GALNT17: variants seen among roughly 807,000 people sequenced by gnomAD.
GALNT17 encodes polypeptide N-acetylgalactosaminyltransferase 17, also known as UDP-GalNAc:polypeptide N-acetylgalactosaminyltransferase-like 3.
A neutral mutation model predicts 63.7 loss-of-function variants in GALNT17; 29 were observed. That is an observed-to-expected ratio of 0.46 (90% CI 0.34 to 0.62). The LOEUF (loss-of-function observed/expected upper bound fraction) is 0.62, where lower values mean the gene tolerates loss of function less well. GALNT17 is among the 20% of genes least tolerant of loss of function. The probability of loss-of-function intolerance (pLI) is 0.01; values close to 1 mark genes in which losing one functional copy is unlikely to be tolerated. For missense variants in GALNT17, 603 were observed against 799.6 expected (o/e 0.75, Z 2.97); for synonymous variants, 305 against 318.3 (o/e 0.96, Z 0.45).
At chr7:71,320,423 A>AT (rs1208348491) in intron 1 of GALNT17, among the ~76,000 whole-genome samples, 100 of 80,806 alleles carry the variant, frequency 1.2e-3, no homozygotes, top group Non-Finnish European at 2.3e-3. Context: ...AAAAAAAAAA[A>AT]TTTTTTTTTT....
intron 5 of GALNT17, among the ~76,000 whole-genome samples, chr7:71,567,300 G>A (rs930356203): frequency 3.1e-4 from 47 of 152,126 alleles, no homozygotes; most frequent in African/African-American, 9.4e-4. Context: ...GCAAGGTCCC[G>A]TTTGCATAAG....
intron 5 of GALNT17, among the ~76,000 whole-genome samples, chr7:71,431,617 G>A (rs1348267656): frequency 6.6e-6 from 1 of 152,164 alleles, no homozygotes; most frequent in Non-Finnish European, 1.5e-5. Flanking sequence ...GGATTCGGAT[G>A]TAGTCAGGCC....
At chr7:71,623,905 A>C (rs1790333267) in intron 6 of GALNT17, among the ~76,000 whole-genome samples, 1 of 152,162 alleles carries the variant, frequency 6.6e-6, no homozygotes, top group African/African-American at 2.4e-5. Flanking sequence ...CCAAAACTCC[A>C]GTTGCTTAAA....
intron 5 of GALNT17, among the ~76,000 whole-genome samples, chr7:71,506,491 A>G (rs1035351301): frequency 1.3e-5 from 2 of 151,986 alleles, no homozygotes; most frequent in Non-Finnish European, 2.9e-5. Flanking sequence ...GGTCTCAAAC[A>G]CCTAACCTCA....
chr7:71,253,968 GAC>G lies in GALNT17; in HGVS notation c.239-81578_239-81577del, dbSNP rs1447915432. The stretch of plus-strand genomic sequence containing the variant: ...GTCAAATGAGAGGACCATGACTCTT[GAC>G]ACAGTCCTGGGAGGTCCTGAGAACA... On this transcript the variant is annotated intron_variant, in intron 1 of 10. Coordinates refer to ENST00000333538, the MANE Select transcript of GALNT17 (RefSeq NM_022479.3). Among the ~76,000 whole-genome samples the G allele has an allele frequency of 2.0e-5, 3 of 152,268 alleles. No individual in the cohort carries two copies. In the East Asian group the frequency reaches 5.8e-4, roughly 29 times the overall value.
intron 9 of GALNT17, among the ~76,000 whole-genome samples, chr7:71,689,710 G>T (rs1024302373): frequency 6.6e-5 from 10 of 152,162 alleles, no homozygotes; most frequent in African/African-American, 2.4e-4. Flanking sequence ...TGCTGAAGGT[G>T]TCTACACTCA....
chr7:71,526,251 CAGGAATAGAAACAGTACCT>C (rs1283483406), intron 5 of GALNT17, among the ~76,000 whole-genome samples: 1 of 152,160 alleles, frequency 6.6e-6, no homozygotes, highest in Non-Finnish European at 1.5e-5. Flanking sequence ...CGCACAGGAC[CAGGAATAGAAACAGTACCT>C]AGGCTATTTC....
At chr7:71,691,253 T>G (rs1791438967) in intron 9 of GALNT17, among the ~76,000 whole-genome samples, 1 of 152,194 alleles carries the variant, frequency 6.6e-6, no homozygotes, top group Admixed American at 6.5e-5. Flanking sequence ...GCAAAAAGAT[T>G]ACAGCTTACT....
chr7:71,522,526 A>C (rs1203127533), intron 5 of GALNT17, among the ~76,000 whole-genome samples: 3 of 152,154 alleles, frequency 2.0e-5, no homozygotes, highest in African/African-American at 7.2e-5. Context: ...TCCCCTTATC[A>C]AACCATCAGA....
chr7:71,344,073 G>A (rs183496844), intron 2 of GALNT17, among the ~76,000 whole-genome samples: 56 of 151,758 alleles, frequency 3.7e-4, no homozygotes, highest in African/African-American at 1.3e-3. Flanking sequence ...GGGAGAGGCT[G>A]GTGGCTATTT....
intron 1 of GALNT17, among the ~76,000 whole-genome samples, chr7:71,207,187 C>T (rs1191181762): frequency 6.6e-6 from 1 of 151,672 alleles, no homozygotes; most frequent in Non-Finnish European, 1.5e-5. Flanking sequence ...AGAGAGAGCC[C>T]TTTCCTGAAT....
At chr7:71,503,667 C>G (rs1250765908) in intron 5 of GALNT17, among the ~76,000 whole-genome samples, 2 of 152,182 alleles carry the variant, frequency 1.3e-5, no homozygotes, top group African/African-American at 2.4e-5. Flanking sequence ...TCTACCTGGT[C>G]TGCCTTGCAG....
At chr7:71,336,851 A>T (rs1163506038) in intron 2 of GALNT17, among the ~76,000 whole-genome samples, 1 of 152,208 alleles carries the variant, frequency 6.6e-6, no homozygotes, top group East Asian at 1.9e-4. Context: ...TTGGGTATAT[A>T]CCCAGTAATG....
At chr7:71,328,955 T>C (rs73700700) in intron 1 of GALNT17, among the ~76,000 whole-genome samples, 5,401 of 152,232 alleles carry the variant, frequency 0.035, 156 homozygotes, top group East Asian at 0.1. Context: ...TCTGACTGCA[T>C]TGGAAAGGCT....
At chr7:71,145,191 T>C (rs546971536) in intron 1 of GALNT17, among the ~76,000 whole-genome samples, 5 of 152,198 alleles carry the variant, frequency 3.3e-5, no homozygotes, top group African/African-American at 4.8e-5. Context: ...GCAGTTTCGC[T>C]GGTGTGCAGG....
At chr7:71,317,824 A>G (rs913985170) in intron 1 of GALNT17, among the ~76,000 whole-genome samples, 4 of 152,004 alleles carry the variant, frequency 2.6e-5, no homozygotes, top group Non-Finnish European at 4.4e-5. Flanking sequence ...TTATATTACT[A>G]TATCTGGGTC....
intron 5 of GALNT17, among the ~76,000 whole-genome samples, chr7:71,500,277 A>G (rs1788159932): frequency 6.6e-6 from 1 of 152,140 alleles, no homozygotes; most frequent in Non-Finnish European, 1.5e-5. Context: ...GTGTCCTCCC[A>G]TAGTGTTTAG....
intron 5 of GALNT17, among the ~76,000 whole-genome samples, chr7:71,525,099 G>C (rs1788601724): frequency 6.6e-6 from 1 of 152,150 alleles, no homozygotes; most frequent in African/African-American, 2.4e-5. Context: ...ACCATTAAAA[G>C]TCATGGCAAA....
intron 1 of GALNT17, among the ~76,000 whole-genome samples, chr7:71,286,555 C>T (rs1342202701): frequency 6.7e-6 from 1 of 149,198 alleles, no homozygotes; most frequent in Non-Finnish European, 1.5e-5. Context: ...AGGGCTTTTT[C>T]CATCTGCCTC....
Sources: allele counts gnomAD v4.1 joint callset (sites outside exome capture counted in the v4.1 genomes callset), GRCh38; gene constraint gnomAD v4.1.1; transcripts MANE v1.5; gene names NCBI Gene and HGNC (gene_info 2026-07-23, HGNC 2026-07-21).